The following LAMA2 variants were observed in gnomAD, a reference collection of about 807,000 sequenced individuals.
The protein encoded by LAMA2 is laminin subunit alpha-2.
Under a neutral mutation model 364.8 loss-of-function variants are expected in LAMA2, and 269 were observed. The observed-to-expected ratio is 0.74, with a 90% confidence interval of 0.67 to 0.82. The LOEUF (loss-of-function observed/expected upper bound fraction) is 0.82, where lower values mean the gene tolerates loss of function less well. Ranked by LOEUF, LAMA2 falls within the 40% of genes least tolerant of loss-of-function variation. LAMA2 has a pLI of 0.00. For missense variants in LAMA2, 3,807 were observed against 3,873.2 expected (o/e 0.98, Z 0.45); for synonymous variants, 1,379 against 1,370.6 (o/e 1.01, Z -0.14).
intron 12 of LAMA2, among the ~76,000 whole-genome samples, chr6:129,226,370 C>G (rs1407548448): frequency 6.6e-6 from 1 of 152,158 alleles, no homozygotes; most frequent in East Asian, 1.9e-4. Flanking sequence ...ATGATCCTGT[C>G]ATTATGATGT....
intron 4 of LAMA2, among the ~76,000 whole-genome samples, chr6:129,122,422 G>C (rs1292987422): frequency 6.6e-6 from 1 of 152,110 alleles, no homozygotes. Context: ...CCGATACTTA[G>C]AGTCCAAAGT....
intron 28 of LAMA2, 33 bp from the exon 29 acceptor site, chr6:129,328,245 T>C: frequency 6.3e-7 from 1 of 1,591,920 alleles, no homozygotes; most frequent in Non-Finnish European, 8.6e-7. Flanking sequence ...TATTTCTAAC[T>C]TTGCTGTCCT....
chr6:129,270,675 T>G lies in LAMA2; in HGVS notation c.2374T>G (p.Phe792Val), dbSNP rs1328452504. ...GPYCDKCLPGFYGEPTKGTSE... is the reference protein window; with the variant it reads ...GPYCDKCLPGVYGEPTKGTSE... ...ATATTGTGATAAATGTCTTCCTGGTTTCTATGGCGAGCCTACTAAAGGAAC... is the reference window on the plus strand; with the variant it reads ...ATATTGTGATAAATGTCTTCCTGGTGTCTATGGCGAGCCTACTAAAGGAAC... The change falls in exon 17 of 65, where the codon TTC (phenylalanine) becomes GTC (valine). Residue 792 changes from phenylalanine to valine, a missense_variant. Coordinates refer to ENST00000421865, the MANE Select transcript of LAMA2 (RefSeq NM_000426.4). The G allele has an allele frequency of 6.2e-7, 1 of 1,613,210 alleles. No individual in the cohort carries two copies. The highest frequency in any genetic ancestry group is 2.2e-5 in the East Asian group (1 of 44,836).
chr6:129,281,676 G>C (rs1440886118), intron 18 of LAMA2, among the ~76,000 whole-genome samples: 1 of 152,090 alleles, frequency 6.6e-6, no homozygotes, highest in Non-Finnish European at 1.5e-5. Flanking sequence ...CATTTGAATA[G>C]TAAAAATCAC....
chr6:129,441,045 C>T, intron 43 of LAMA2, 47 bp downstream of exon 43: 1 of 1,512,954 alleles, frequency 6.6e-7, no homozygotes. Flanking sequence ...TTTCCTCTCA[C>T]TGTAAAAGTA....
chr6:129,305,254 G>A (rs998637227), intron 22 of LAMA2, among the ~76,000 whole-genome samples: 1 of 151,128 alleles, frequency 6.6e-6, no homozygotes, highest in Admixed American at 6.6e-5. Context: ...TCTTTTTAAT[G>A]GTGTTTGTGT....
At chr6:129,446,524 G>C (rs1583770897) in intron 45 of LAMA2, among the ~76,000 whole-genome samples, 1 of 67,982 alleles carries the variant, frequency 1.5e-5, no homozygotes, top group African/African-American at 6.2e-5. Flanking sequence ...AGAGGGGAGG[G>C]GAGGGGAGGG....
At chr6:128,954,683 G>T (rs550779679) in intron 1 of LAMA2, among the ~76,000 whole-genome samples, 9 of 151,884 alleles carry the variant, frequency 5.9e-5, no homozygotes, top group Non-Finnish European at 1.3e-4. Context: ...CTTCAGTACA[G>T]TACAACAGAT....
intron 2 of LAMA2, among the ~76,000 whole-genome samples, chr6:129,050,655 G>A (rs1206238213): frequency 6.6e-6 from 1 of 152,116 alleles, no homozygotes; most frequent in African/African-American, 2.4e-5. Flanking sequence ...GGGAGGGGAA[G>A]AGGAGAAGTC....
intron 1 of LAMA2, among the ~76,000 whole-genome samples, chr6:128,963,048 A>C (rs1439464321): frequency 6.6e-6 from 1 of 152,186 alleles, no homozygotes; most frequent in Admixed American, 6.5e-5. Context: ...GCAAAACAAG[A>C]CATGATTATA....
intron 1 of LAMA2, among the ~76,000 whole-genome samples, chr6:129,041,021 A>C (rs983755727): frequency 6.6e-5 from 10 of 152,208 alleles, no homozygotes; most frequent in African/African-American, 2.4e-4. Flanking sequence ...ATTTTCACTC[A>C]TTTGGAATTA....
At chr6:129,226,137 T>A (rs189413448) in intron 12 of LAMA2, among the ~76,000 whole-genome samples, 1 of 152,234 alleles carries the variant, frequency 6.6e-6, no homozygotes, top group Non-Finnish European at 1.5e-5. Context: ...GTCTGTTTTA[T>A]CAGAGACTAG....
intron 53 of LAMA2, among the ~76,000 whole-genome samples, chr6:129,477,918 G>T (rs116559862): frequency 0.014 from 2,133 of 152,156 alleles, 43 homozygotes; most frequent in African/African-American, 0.048. Context: ...CCAAGTAACT[G>T]GGACTCCAGG....
intron 3 of LAMA2, among the ~76,000 whole-genome samples, chr6:129,069,027 C>T (rs1225612160): frequency 6.6e-6 from 1 of 151,946 alleles, no homozygotes; most frequent in East Asian, 1.9e-4. Flanking sequence ...TTTGGAGACC[C>T]AGATCCTATT....
At chr6:129,156,393 GTTAAA>G (rs1779115499) in intron 8 of LAMA2, among the ~76,000 whole-genome samples, 1 of 151,504 alleles carries the variant, frequency 6.6e-6, no homozygotes, top group Admixed American at 6.6e-5. Flanking sequence ...CATGTCTTTT[GTTAAA>G]TTAATCTTTA....
chr6:128,901,943 G>A (rs1777110191), intron 1 of LAMA2, among the ~76,000 whole-genome samples: 1 of 152,172 alleles, frequency 6.6e-6, no homozygotes, highest in Non-Finnish European at 1.5e-5. Flanking sequence ...CCAAGACTGG[G>A]CAATTTACAA....
intron 1 of LAMA2, among the ~76,000 whole-genome samples, chr6:128,916,309 T>C (rs779387507): frequency 6.6e-6 from 1 of 152,188 alleles, no homozygotes; most frequent in Non-Finnish European, 1.5e-5. Flanking sequence ...TTTTTAAAAC[T>C]TCAATTATCT....
intron 10 of LAMA2, among the ~76,000 whole-genome samples, chr6:129,187,401 T>C (rs562460152): frequency 2.0e-5 from 3 of 151,934 alleles, no homozygotes; most frequent in East Asian, 1.9e-4. Context: ...ATATAAAATA[T>C]ACTCTATAAT....
At chr6:129,198,808 C>G (rs1354656899) in intron 12 of LAMA2, among the ~76,000 whole-genome samples, 1 of 151,848 alleles carries the variant, frequency 6.6e-6, no homozygotes, top group African/African-American at 2.4e-5. Context: ...CTTAAAAAAA[C>G]TGACTCAAAG....
Sources: allele counts gnomAD v4.1 joint callset (sites outside exome capture counted in the v4.1 genomes callset), GRCh38; gene constraint gnomAD v4.1.1; transcripts MANE v1.5; gene names NCBI Gene and HGNC (gene_info 2026-07-23, HGNC 2026-07-21).